Variants in AGMO observed in about 807,000 individuals in gnomAD.
AGMO encodes the protein alkylglycerol monooxygenase.
Under a neutral mutation model 60.2 loss-of-function variants are expected in AGMO, and 75 were observed. The observed-to-expected ratio is 1.25, with a 90% CI of 1.03 to 1.51. The LOEUF is 1.51. AGMO is among the 40% of genes most tolerant of loss of function. AGMO has a pLI of 0.00. For missense variants in AGMO, 763 were observed against 525.5 expected (o/e 1.45, Z -4.42); for synonymous variants, 261 against 177.1 (o/e 1.47, Z -3.76).
chr7:15,151,704 G>C, the AGMO span, among the ~76,000 whole-genome samples: 1 of 152,072 alleles, frequency 6.6e-6, no homozygotes, highest in African/African-American at 2.4e-5. Context: ...TTAAAAATCT[G>C]TTGGGAATTG....
intron 12 of AGMO, among the ~76,000 whole-genome samples, chr7:15,207,135 A>G (rs1293623282): frequency 6.6e-6 from 1 of 152,158 alleles, no homozygotes; most frequent in Non-Finnish European, 1.5e-5. Flanking sequence ...AACCATAAAT[A>G]TTAGCCACAA....
the AGMO span, among the ~76,000 whole-genome samples, chr7:15,117,612 A>G: frequency 9.9e-5 from 15 of 151,992 alleles, no homozygotes; most frequent in African/African-American, 3.4e-4. Flanking sequence ...AAGAAACCCA[A>G]TCCTCACCAT....
intron 3 of AGMO, among the ~76,000 whole-genome samples, chr7:15,528,401 C>G (rs1399288613): frequency 2.0e-5 from 3 of 152,052 alleles, no homozygotes. Flanking sequence ...ACAACATCTT[C>G]AAAGTACACT....
chr7:15,223,713 C>CAGA (rs1781988817), intron 12 of AGMO, among the ~76,000 whole-genome samples: 2 of 151,924 alleles, frequency 1.3e-5, no homozygotes, highest in African/African-American at 4.8e-5. Context: ...TGCATAGTCT[C>CAGA]TGAAGTACAT....
At chr7:15,492,706 T>A (rs1049534098) in intron 3 of AGMO, among the ~76,000 whole-genome samples, 1 of 152,122 alleles carries the variant, frequency 6.6e-6, no homozygotes. Flanking sequence ...CCAACACTAA[T>A]ATAGTGCTTG....
At chr7:15,322,725 TATATATATAAATATATAA>T (rs1554413753) in intron 12 of AGMO, among the ~76,000 whole-genome samples, 1 of 72,800 alleles carries the variant, frequency 1.4e-5, no homozygotes, top group Non-Finnish European at 2.3e-5. Flanking sequence ...AATATATAAA[TATATATATAAATATATAA>T]ATATATATAA....
chr7:15,203,923 T>C (rs1412085958), intron 12 of AGMO, among the ~76,000 whole-genome samples: 2 of 152,166 alleles, frequency 1.3e-5, no homozygotes, highest in African/African-American at 4.8e-5. Flanking sequence ...TTATTTTTCT[T>C]CTTGTGTCAG....
At position 15,390,717 on chromosome 7, in the gene AGMO, TATACA is replaced by T; in HGVS notation, c.771_775del (p.Val258TrpfsTer7). On this transcript the variant is annotated frameshift_variant, in exon 8 of 13. Transcript: ENST00000342526. LOFTEE classifies it high-confidence loss of function. ...TGTATTAATGGGATGTGTTAAGCCATATACAACTTTTTCATTTTCTGCTTCAAATG... is the reference window on the plus strand; with the variant it reads ...TGTATTAATGGGATGTGTTAAGCCATACTTTTTCATTTTCTGCTTCAAATG... The T allele has an allele frequency of 6.2e-7, 1 of 1,611,494 alleles. No individual in the cohort carries two copies. Among genetic ancestry groups the T allele is most frequent in the Non-Finnish European group, 8.5e-7 (1 of 1,178,328 alleles).
chr7:15,350,428 C>T (rs908208219), intron 12 of AGMO, among the ~76,000 whole-genome samples: 2 of 152,088 alleles, frequency 1.3e-5, no homozygotes, highest in African/African-American at 4.8e-5. Context: ...GATGATGATG[C>T]CACTTAAATA....
chr7:15,459,599 T>TGTGTGTTTGTGTGTGTGTGTGTG, intron 3 of AGMO, among the ~76,000 whole-genome samples: 1 of 142,234 alleles, frequency 7.0e-6, no homozygotes, highest in Admixed American at 6.9e-5. Context: ...GTATGTGCGT[T>TGTGTGTTTGTGTGTGTGTGTGTG]TGTGTGTGTG....
intron 12 of AGMO, among the ~76,000 whole-genome samples, chr7:15,279,274 G>C (rs1335398297): frequency 6.6e-6 from 1 of 152,130 alleles, no homozygotes; most frequent in Non-Finnish European, 1.5e-5. Flanking sequence ...ACTGGTCCCA[G>C]CTCAGCAGGC....
the AGMO span, among the ~76,000 whole-genome samples, chr7:15,183,778 A>G: frequency 1.3e-5 from 2 of 152,228 alleles, no homozygotes; most frequent in Non-Finnish European, 2.9e-5. Context: ...GCAATTAGAG[A>G]AAATTAAACC....
intron 12 of AGMO, among the ~76,000 whole-genome samples, chr7:15,261,586 G>C (rs1783271816): frequency 6.6e-6 from 1 of 151,794 alleles, no homozygotes; most frequent in South Asian, 2.1e-4. Context: ...TCAAATAATT[G>C]GTACCAATCC....
At chr7:15,155,328 G>C in the AGMO span, among the ~76,000 whole-genome samples, 3 of 145,902 alleles carry the variant, frequency 2.1e-5, no homozygotes, top group African/African-American at 7.6e-5. Context: ...ATCTGCCTAT[G>C]TTGATTCGAA....
chr7:15,383,911 T>C (rs1783801114), intron 10 of AGMO, among the ~76,000 whole-genome samples: 1 of 152,104 alleles, frequency 6.6e-6, no homozygotes, highest in African/African-American at 2.4e-5. Context: ...CACTGTGTAA[T>C]GGATGATTAA....
At chr7:15,480,301 C>T (rs1258349183) in intron 3 of AGMO, among the ~76,000 whole-genome samples, 1 of 152,116 alleles carries the variant, frequency 6.6e-6, no homozygotes, top group African/African-American at 2.4e-5. Context: ...TTAAGGACAT[C>T]TTCAGGTTGA....
At chr7:15,539,630 A>C (rs1784570198) in intron 3 of AGMO, among the ~76,000 whole-genome samples, 1 of 152,162 alleles carries the variant, frequency 6.6e-6, no homozygotes, top group African/African-American at 2.4e-5. Context: ...ATAATGGAAC[A>C]ATTTATATTC....
chr7:15,456,784 T>G (rs1782009290), intron 3 of AGMO, among the ~76,000 whole-genome samples: 1 of 152,184 alleles, frequency 6.6e-6, no homozygotes, highest in Non-Finnish European at 1.5e-5. Flanking sequence ...CTTGGCTCTG[T>G]GCGCTACTAT....
chr7:15,383,407 C>G (rs1783771748), intron 10 of AGMO, among the ~76,000 whole-genome samples: 1 of 152,016 alleles, frequency 6.6e-6, no homozygotes, highest in African/African-American at 2.4e-5. Flanking sequence ...TGAATTTCTG[C>G]CATATACAAT....
Sources: gnomAD v4.1 joint callset for allele counts (sites outside exome capture counted in the v4.1 genomes callset) on GRCh38, gnomAD v4.1.1 for gene constraint, MANE v1.5 for transcripts, NCBI Gene and HGNC (gene_info 2026-07-23, HGNC 2026-07-21) for gene names.